Variants in POU6F2 observed in about 807,000 individuals in gnomAD.
POU6F2 encodes the protein POU class 6 homeobox 2, also known as POU domain, class 6, transcription factor 2.
Under a neutral mutation model 71.3 loss-of-function variants are expected in POU6F2, and 31 were observed. That is an observed-to-expected ratio of 0.43 (90% CI 0.33 to 0.59). POU6F2 has a LOEUF of 0.59. Among genes scored for constraint, POU6F2 ranks in the 20% least tolerant of loss-of-function variants. POU6F2 has a pLI of 0.04. For synonymous variants in POU6F2, 347 were observed against 355.7 expected, an observed-to-expected ratio of 0.98 and a Z score of 0.27; for missense variants, 783 against 856.8, an observed-to-expected ratio of 0.91 and a Z score of 1.07.
intron 4 of POU6F2, among the ~76,000 whole-genome samples, chr7:39,254,706 C>G (rs1187420681): frequency 6.6e-6 from 1 of 152,186 alleles, no homozygotes; most frequent in African/African-American, 2.4e-5. Flanking sequence ...CTGGCTCCTT[C>G]CCATAACTTC....
chr7:39,423,633 A>G (rs186018652), intron 6 of POU6F2, among the ~76,000 whole-genome samples: 2 of 152,380 alleles, frequency 1.3e-5, no homozygotes, highest in East Asian at 3.9e-4. Context: ...ATATGTAATT[A>G]TTAATATTTG....
intron 1 of POU6F2, among the ~76,000 whole-genome samples, chr7:38,981,392 C>T (rs1788311898): frequency 6.6e-6 from 1 of 152,148 alleles, no homozygotes; most frequent in African/African-American, 2.4e-5. Context: ...CTCCTTCTGG[C>T]ACTGCTGTCC....
At chr7:38,988,508 A>G (rs946302012) in intron 1 of POU6F2, among the ~76,000 whole-genome samples, 1 of 152,066 alleles carries the variant, frequency 6.6e-6, no homozygotes, top group African/African-American at 2.4e-5. Flanking sequence ...TGTGTGTTTC[A>G]GTGGGGCTGT....
At position 39,066,673 on chromosome 7, in the gene POU6F2, G is replaced by A. The variant is rs181805658; in HGVS notation, c.106-19187G>A. On this transcript the variant is annotated intron_variant, in intron 1 of 9. Coordinates refer to ENST00000518318, the MANE Select transcript of POU6F2 (RefSeq NM_001370959.1). ...AATAAAATTTAAATAAATAGAAGAA[G>A]CAAGTGTTGATGGTAACACTGAATA... Among the ~76,000 whole-genome samples the A allele has an allele frequency of 1.3e-4, 19 of 151,068 alleles. No homozygotes were observed. The East Asian group carries it at 2.3e-3, about 18-fold the overall frequency.
intron 4 of POU6F2, among the ~76,000 whole-genome samples, chr7:39,282,664 A>G (rs770623294): frequency 6.6e-6 from 1 of 152,134 alleles, no homozygotes; most frequent in Non-Finnish European, 1.5e-5. Flanking sequence ...TAAAAGTACC[A>G]TGCTGTTTTG....
chr7:39,136,741 C>T (rs1413573916), intron 2 of POU6F2, among the ~76,000 whole-genome samples: 2 of 151,946 alleles, frequency 1.3e-5, no homozygotes, highest in Admixed American at 1.3e-4. Flanking sequence ...CACCTGTAAT[C>T]CCAGCACTTT....
At chr7:39,248,292 G>T (rs1019144036) in intron 4 of POU6F2, among the ~76,000 whole-genome samples, 1 of 152,136 alleles carries the variant, frequency 6.6e-6, no homozygotes, top group Admixed American at 6.5e-5. Flanking sequence ...TGCTAAAATG[G>T]CATCTTCCTA....
chr7:39,378,064 T>C (rs1348304257), intron 5 of POU6F2, among the ~76,000 whole-genome samples: 1 of 152,148 alleles, frequency 6.6e-6, no homozygotes, highest in African/African-American at 2.4e-5. Context: ...TCCAATGATA[T>C]AAGTGGGAGT....
chr7:39,454,728 A>G (rs1387511541), intron 8 of POU6F2, among the ~76,000 whole-genome samples: 4 of 106,504 alleles, frequency 3.8e-5, no homozygotes, highest in Non-Finnish European at 7.9e-5. Flanking sequence ...ATATATATAT[A>G]AAATAAGATA....
chr7:39,237,517 G>C (rs6954406), intron 4 of POU6F2, among the ~76,000 whole-genome samples: 86,763 of 152,010 alleles, frequency 0.57, 25,083 homozygotes, highest in East Asian at 0.81. Context: ...TGTTCGCTGT[G>C]TCCCTTTCTT....
chr7:39,089,449 G>A (rs73695634), intron 2 of POU6F2, among the ~76,000 whole-genome samples: 4,013 of 152,254 alleles, frequency 0.026, 177 homozygotes, highest in African/African-American at 0.092. Flanking sequence ...GATGAGTGAT[G>A]CTACATAGAG....
chr7:39,103,653 A>G (rs1414805337), intron 2 of POU6F2, among the ~76,000 whole-genome samples: 2 of 152,146 alleles, frequency 1.3e-5, no homozygotes, highest in Non-Finnish European at 2.9e-5. Context: ...TCTGTGATCC[A>G]TCCTAAACCC....
intron 5 of POU6F2, chr7:39,373,443 A>G (rs1195018769): frequency 2.2e-6 from 1 of 456,628 alleles, no homozygotes; most frequent in Admixed American, 2.3e-5. Flanking sequence ...GTAGCCCAGC[A>G]ATCAAAATCA....
intron 6 of POU6F2, among the ~76,000 whole-genome samples, chr7:39,410,095 C>T (rs975200488): frequency 1.3e-5 from 2 of 152,180 alleles, no homozygotes; most frequent in African/African-American, 4.8e-5. Context: ...TGCCTATAAT[C>T]CCAGCACTGT....
chr7:39,256,604 TTAAAG>T (rs1364843682), intron 4 of POU6F2, among the ~76,000 whole-genome samples: 2 of 152,174 alleles, frequency 1.3e-5, no homozygotes, highest in Non-Finnish European at 2.9e-5. Context: ...TCTGCTCACC[TTAAAG>T]TAGAGAGATT....
At chr7:39,052,532 A>G (rs1454866263) in intron 1 of POU6F2, among the ~76,000 whole-genome samples, 2 of 152,054 alleles carry the variant, frequency 1.3e-5, no homozygotes, top group Non-Finnish European at 1.5e-5. Context: ...CTCACTCACT[A>G]TCACAAGAAC....
intron 4 of POU6F2, among the ~76,000 whole-genome samples, chr7:39,282,162 C>G (rs1784574053): frequency 6.6e-6 from 1 of 151,920 alleles, no homozygotes; most frequent in Non-Finnish European, 1.5e-5. Context: ...TTGAGTTGTT[C>G]AAGTTGCTTA....
chr7:39,375,736 T>A (rs193051056), intron 5 of POU6F2, among the ~76,000 whole-genome samples: 1 of 152,240 alleles, frequency 6.6e-6, no homozygotes, highest in African/African-American at 2.4e-5. Flanking sequence ...GGAGAAGCAG[T>A]TAGCCCTAAA....
At chr7:39,361,904 G>T (rs1300945351) in intron 5 of POU6F2, among the ~76,000 whole-genome samples, 1 of 152,190 alleles carries the variant, frequency 6.6e-6, no homozygotes, top group Non-Finnish European at 1.5e-5. Context: ...GTTAGGCAAG[G>T]GGGAAGAGGC....
Sources: allele counts gnomAD v4.1 joint callset (sites outside exome capture counted in the v4.1 genomes callset), GRCh38; gene constraint gnomAD v4.1.1; transcripts MANE v1.5; gene names NCBI Gene and HGNC (gene_info 2026-07-23, HGNC 2026-07-21).